Variants in PEX5L observed in about 807,000 individuals in gnomAD.
PEX5L encodes peroxisomal biogenesis factor 5 like.
A neutral mutation model predicts 84.0 loss-of-function variants in PEX5L; 30 were observed. The observed-to-expected ratio is 0.36, with a 90% CI of 0.27 to 0.48. PEX5L has a LOEUF of 0.48. Among genes scored for constraint, PEX5L ranks in the 20% least tolerant of loss-of-function variants. The pLI is 0.99. For missense variants in PEX5L, 533 were observed against 754.6 expected (o/e 0.71, Z 3.44); for synonymous variants, 270 against 283.1 (o/e 0.95, Z 0.46).
rs899017417 is a variant in PEX5L, at chr3:179,935,528, G to A, written c.93+36066C>T. ...TATTTTCGCTTTCTTTTCAAAACTT[G>A]TATTTTTCTGTTGTTTATTTTCTAC... is the stretch of plus-strand genomic sequence containing the variant. On this transcript the variant is annotated intron_variant, in intron 2 of 14. Transcript: ENST00000467460. Among the ~76,000 whole-genome samples the A allele has an allele frequency of 1.1e-3, 174 of 152,180 alleles. 1 individual carries two copies. Among genetic ancestry groups the A allele is most frequent in the Middle Eastern group, 0.01 (3 of 294 alleles).
intron 8 of PEX5L, among the ~76,000 whole-genome samples, chr3:179,840,177 G>GTTTTTTTTTTTT (rs1560319639): frequency 9.3e-6 from 1 of 107,878 alleles, no homozygotes; most frequent in African/African-American, 3.8e-5. Context: ...GTGTGTGTGT[G>GTTTTTTTTTTTT]TGTGTGTTTT....
chr3:179,893,835 A>G (rs1406054134), intron 3 of PEX5L, among the ~76,000 whole-genome samples: 1 of 152,140 alleles, frequency 6.6e-6, no homozygotes, highest in Non-Finnish European at 1.5e-5. Context: ...ATGTCTTTTT[A>G]CCTCATTTAA....
intron 8 of PEX5L, 73 bp from the exon 9 acceptor site, chr3:179,820,049 T>A (rs1727862442): frequency 6.3e-7 from 1 of 1,589,698 alleles, no homozygotes; most frequent in Non-Finnish European, 8.5e-7. Flanking sequence ...CTTCCCCCCC[T>A]AATAGATAAA....
intron 1 of PEX5L, among the ~76,000 whole-genome samples, chr3:179,995,670 G>A (rs6443685): frequency 0.19 from 28,433 of 151,896 alleles, 3,132 homozygotes; most frequent in African/African-American, 0.31. Flanking sequence ...TCTAACTCCC[G>A]GCTTCAGAAG....
Position 179,807,744 on chromosome 3 carries a change from C to T in PEX5L, c.1606G>A (p.Glu536Lys). ...EAVEAYTRAL[E>K]IQPGFIRSRY... is the part of the protein sequence containing the mutation. ...GACCGGATGAATCCTGGCTGAATCT[C>T]CAGTGCTCGCGTATAGGCCTCCACG... Residue 536 changes from glutamate (E) to lysine (K), a missense_variant, in exon 14 of 15, where the codon GAG (glutamate) becomes AAG (lysine). Glu to Lys is a moderately conservative substitution (Grantham distance 56). Transcript: ENST00000467460. 1 of 1,614,168 alleles carries T rather than the reference C, an allele frequency of 6.2e-7. No individual in the cohort carries two copies. Among genetic ancestry groups the T allele is most frequent in the South Asian group, 1.1e-5 (1 of 91,080 alleles).
intron 8 of PEX5L, among the ~76,000 whole-genome samples, chr3:179,850,391 T>C (rs1179052494): frequency 6.6e-6 from 1 of 152,194 alleles, no homozygotes; most frequent in African/African-American, 2.4e-5. Context: ...CCTCCCAAAG[T>C]GCTGGGATTA....
intron 1 of PEX5L, among the ~76,000 whole-genome samples, chr3:180,006,544 A>G (rs889815188): frequency 2.6e-5 from 4 of 152,142 alleles, no homozygotes; most frequent in East Asian, 3.9e-4. Context: ...AAACTCTCCA[A>G]TCCCATCTTT....
chr3:179,847,891 T>A (rs1740221134), intron 8 of PEX5L, among the ~76,000 whole-genome samples: 1 of 151,834 alleles, frequency 6.6e-6, no homozygotes, highest in South Asian at 2.1e-4. Flanking sequence ...AGAGATAGGG[T>A]CTTGCCATAT....
chr3:180,012,016 C>A (rs987887959), intron 1 of PEX5L, among the ~76,000 whole-genome samples: 4 of 152,080 alleles, frequency 2.6e-5, no homozygotes, highest in African/African-American at 9.7e-5. Context: ...ACAATCTTGC[C>A]CCTTAATTTG....
chr3:179,803,965 CCT>C (rs2108688330), intron 14 of PEX5L: 1 of 152,252 alleles, frequency 6.6e-6, no homozygotes, highest in South Asian at 2.1e-4. Flanking sequence ...CTTGAGTAGA[CCT>C]TTTTGCCCCC....
intron 2 of PEX5L, among the ~76,000 whole-genome samples, chr3:179,912,439 T>C (rs1043634027): frequency 6.6e-6 from 1 of 152,156 alleles, no homozygotes; most frequent in African/African-American, 2.4e-5. Flanking sequence ...TTGAAATTGA[T>C]ACTAATTCTA....
Position 179,983,154 on chromosome 3 carries a change from C to T in PEX5L, c.22-11489G>A, listed in dbSNP as rs565007332. The stretch of plus-strand genomic sequence containing the variant: ...ATACATGTATGCATGCATAAATATA[C>T]ATATTTATATGTAAGTATACCAATA... On this transcript the variant is annotated intron_variant, in intron 1 of 14. Coordinates refer to ENST00000467460, the MANE Select transcript of PEX5L (RefSeq NM_016559.3). Among the ~76,000 whole-genome samples the T allele has an allele frequency of 7.2e-5, 11 of 151,858 alleles. No homozygotes were observed. In the South Asian group the frequency reaches 2.1e-3, roughly 29 times the overall value.
intron 13 of PEX5L, among the ~76,000 whole-genome samples, chr3:179,808,063 G>A (rs1722104155): frequency 6.6e-6 from 1 of 152,146 alleles, no homozygotes; most frequent in Admixed American, 6.5e-5. Context: ...ATCAATTAGT[G>A]TTTCTATTTT....
intron 2 of PEX5L, among the ~76,000 whole-genome samples, chr3:179,944,080 G>T (rs1250325882): frequency 6.6e-6 from 1 of 151,180 alleles, no homozygotes; most frequent in Non-Finnish European, 1.5e-5. Flanking sequence ...GAATTCAAAG[G>T]CTACTTTTTA....
At chr3:179,938,583 C>T (rs1465819360) in intron 2 of PEX5L, among the ~76,000 whole-genome samples, 1 of 152,174 alleles carries the variant, frequency 6.6e-6, no homozygotes, top group Non-Finnish European at 1.5e-5. Flanking sequence ...ATTAACTTAT[C>T]CACACAAAAT....
chr3:179,944,339 C>T (rs545141171), intron 2 of PEX5L, among the ~76,000 whole-genome samples: 52 of 152,310 alleles, frequency 3.4e-4, no homozygotes, highest in African/African-American at 1.2e-3. Flanking sequence ...ACACTATGGT[C>T]CCCACTAGAA....
In PEX5L at chr3:179,799,124, TG is replaced by T. The variant is rs1489325485; in HGVS notation, c.*2703del. The T allele has an allele frequency of 6.6e-6, 1 of 152,280 alleles. No individual in the cohort carries two copies. The highest frequency in any genetic ancestry group is 1.5e-5 in the Non-Finnish European group (1 of 68,104). The allele number at this position is 152,280 out of a possible 1,614,324, so 9.4% of individuals were successfully genotyped here. A position where few individuals can be genotyped will look rare whatever the true frequency, so the allele number is the denominator to read the frequency against. ...TAATAAAGACGGGGTTTCACCATGTTGGTCAGGCTGGTCTCGAACTCCTGAC... is the reference window on the plus strand; with the variant it reads ...TAATAAAGACGGGGTTTCACCATGTTGTCAGGCTGGTCTCGAACTCCTGAC... On this transcript the variant is annotated 3_prime_UTR_variant, in exon 15 of 15. Transcript: ENST00000467460.
chr3:179,955,891 C>T (rs965603066), intron 2 of PEX5L, among the ~76,000 whole-genome samples: 5 of 151,986 alleles, frequency 3.3e-5, no homozygotes, highest in African/African-American at 4.8e-5. Flanking sequence ...AAAGTACTAC[C>T]GATGTAAAAG....
chr3:179,904,593 TA>T (rs138497841), intron 2 of PEX5L, among the ~76,000 whole-genome samples: 1 of 152,142 alleles, frequency 6.6e-6, no homozygotes, highest in Non-Finnish European at 1.5e-5. Context: ...GCTACTGCCT[TA>T]AAAAAATCAT....
Sources: allele counts gnomAD v4.1 joint callset (sites outside exome capture counted in the v4.1 genomes callset), GRCh38; gene constraint gnomAD v4.1.1; transcripts MANE v1.5; gene names NCBI Gene and HGNC (gene_info 2026-07-23, HGNC 2026-07-21).